The following DCT variants were observed in gnomAD, a reference collection of about 807,000 sequenced individuals.
DCT encodes the protein L-dopachrome tautomerase.
DCT carries 47 observed loss-of-function variants against 53.0 expected under a neutral mutation model. That is an observed-to-expected ratio of 0.89 (90% CI 0.70 to 1.13). The LOEUF (loss-of-function observed/expected upper bound fraction) is 1.13, where lower values mean the gene tolerates loss of function less well. Among genes scored for constraint, DCT ranks in the 50% most tolerant of loss-of-function variants. DCT has a pLI of 0.00. For missense variants in DCT, 669 were observed against 637.4 expected, an observed-to-expected ratio of 1.05 and a Z score of -0.53; for synonymous variants, 244 against 237.0, an observed-to-expected ratio of 1.03 and a Z score of -0.27.
At chr13:94,524,086 T>A in the DCT span, among the ~76,000 whole-genome samples, 1 of 152,196 alleles carries the variant, frequency 6.6e-6, no homozygotes, top group African/African-American at 2.4e-5. Context: ...GAGGAGATGA[T>A]CTCCATCCAG....
chr13:94,503,147 G>A, the DCT span, among the ~76,000 whole-genome samples: 2 of 152,104 alleles, frequency 1.3e-5, no homozygotes, highest in East Asian at 1.9e-4. Flanking sequence ...GAGGCCAAGG[G>A]GGCATGGATT....
the DCT span, among the ~76,000 whole-genome samples, chr13:94,515,039 G>T: frequency 6.6e-6 from 1 of 152,182 alleles, no homozygotes; most frequent in Non-Finnish European, 1.5e-5. Context: ...CCTTAGAAAA[G>T]AGACTGCAGA....
intron 1 of DCT, 84 bp downstream of exon 1, chr13:94,478,877 C>A (rs1282753008): frequency 1.5e-6 from 2 of 1,352,416 alleles, no homozygotes; most frequent in Admixed American, 2.3e-5. Context: ...CTAAGAGTCT[C>A]TGTCAAGAGT....
chr13:94,515,984 A>C, the DCT span, among the ~76,000 whole-genome samples: 1 of 152,052 alleles, frequency 6.6e-6, no homozygotes, highest in East Asian at 1.9e-4. Flanking sequence ...AAAGAACAGG[A>C]CAGTATCCAC....
At chr13:94,444,578 T>C in intron 6 of DCT, 1 of 336,018 alleles carries the variant, frequency 3.0e-6, no homozygotes, top group South Asian at 2.4e-5. Context: ...TGTAACATGA[T>C]ACAAGTTTGA....
the DCT span, among the ~76,000 whole-genome samples, chr13:94,547,407 G>A: frequency 2.6e-5 from 4 of 151,988 alleles, no homozygotes; most frequent in African/African-American, 7.2e-5. Context: ...ATGAGCCACC[G>A]TGCCTGACCC....
chr13:94,520,371 A>T, the DCT span, among the ~76,000 whole-genome samples: 1 of 152,220 alleles, frequency 6.6e-6, no homozygotes, highest in South Asian at 2.1e-4. Flanking sequence ...GCACACAATT[A>T]ACCTCTTTTT....
chr13:94,472,472 C>T (rs1884706113), intron 1 of DCT, among the ~76,000 whole-genome samples: 1 of 130,730 alleles, frequency 7.6e-6, no homozygotes, highest in African/African-American at 3.0e-5. Flanking sequence ...TAATGTGGAG[C>T]ACATAGAACT....
At chr13:94,462,718 T>C (rs1319092121) in intron 4 of DCT, among the ~76,000 whole-genome samples, 4 of 152,164 alleles carry the variant, frequency 2.6e-5, no homozygotes, top group Non-Finnish European at 5.9e-5. Flanking sequence ...AATACGGACA[T>C]GGGCATAAAT....
chr13:94,539,318 A>G, the DCT span, among the ~76,000 whole-genome samples: 2 of 152,238 alleles, frequency 1.3e-5, no homozygotes, highest in Non-Finnish European at 2.9e-5. Flanking sequence ...TTTCATGAAG[A>G]GGAAAAACCT....
intron 7 of DCT, 67 bp downstream of exon 7, chr13:94,443,369 A>G: frequency 7.8e-7 from 1 of 1,289,592 alleles, no homozygotes; most frequent in Non-Finnish European, 1.1e-6. Context: ...TTATAAAGAA[A>G]GAAAGCAAGA....
the DCT span, among the ~76,000 whole-genome samples, chr13:94,529,044 G>A: frequency 6.6e-6 from 1 of 152,008 alleles, no homozygotes; most frequent in Non-Finnish European, 1.5e-5. Context: ...AGACAAAGAA[G>A]GCCACTACAT....
chr13:94,439,928 TAAA>T lies in DCT; in HGVS notation c.1527_1529del (p.His509_Leu510delinsGln). On this transcript the variant is annotated inframe_deletion, in exon 8 of 8. Transcript: ENST00000377028. ...CTTCTTCTGTGTATCTCTTGCTGCT[TAAA>T]TGTGTCTCCATTAGGGGTGTATATC... is the stretch of plus-strand genomic sequence containing the variant. 6.2e-7 allele frequency: 1 copy of T among 1,613,944 alleles called. No homozygotes were observed. The highest frequency in any genetic ancestry group is 8.5e-7 in the Non-Finnish European group (1 of 1,179,896).
chr13:94,461,859 A>G (rs985757028), intron 5 of DCT, 151 bp downstream of exon 5: 1 of 630,490 alleles, frequency 1.6e-6, no homozygotes, highest in African/African-American at 1.8e-5. Flanking sequence ...TCCTCACACC[A>G]ATCCCTTGCT....
rs1884233746 is a variant in DCT, at chr13:94,466,544, T to C, written c.696+14A>G. ...TAAAAAATTAAAAGAACTAAATGCA[T>C]AGTTTTGACCTACCTGGAGATCTCT... On this transcript the variant is annotated intron_variant, in intron 3 of 7. Coordinates refer to ENST00000377028, the MANE Select transcript of DCT (RefSeq NM_001922.5). 1 of 1,548,718 alleles carries C rather than the reference T, an allele frequency of 6.5e-7. No individual in the cohort carries two copies. The highest frequency in any genetic ancestry group is 1.4e-5 in the African/African-American group (1 of 72,434).
At chr13:94,502,794 A>C in the DCT span, among the ~76,000 whole-genome samples, 1 of 151,438 alleles carries the variant, frequency 6.6e-6, no homozygotes, top group Admixed American at 6.6e-5. Flanking sequence ...TCCTCGCTGC[A>C]CTCTCTCCGA....
chr13:94,496,031 A>G, the DCT span, among the ~76,000 whole-genome samples: 5 of 152,044 alleles, frequency 3.3e-5, no homozygotes, highest in African/African-American at 7.2e-5. Context: ...TCTCTGCCCT[A>G]TTCATTGTGC....
intron 2 of DCT, chr13:94,467,552 G>A (rs1884306109): frequency 1.3e-5 from 2 of 152,106 alleles, no homozygotes; most frequent in Admixed American, 1.3e-4. Context: ...AAGGTTTATA[G>A]CCAAAAGAGC....
At chr13:94,483,038 C>A (rs1312736297), upstream of DCT, among the ~76,000 whole-genome samples, 1 of 152,026 alleles carries the variant, frequency 6.6e-6, no homozygotes, top group Non-Finnish European at 1.5e-5. Flanking sequence ...TTTTGGGAGG[C>A]CAAGGCAGGC....
Sources: allele counts gnomAD v4.1 joint callset (sites outside exome capture counted in the v4.1 genomes callset), GRCh38; gene constraint gnomAD v4.1.1; transcripts MANE v1.5; gene names NCBI Gene and HGNC (gene_info 2026-07-23, HGNC 2026-07-21).